NR2C1: variants seen among roughly 807,000 people sequenced by gnomAD.
NR2C1 encodes nuclear receptor subfamily 2 group C member 1.
Under a neutral mutation model 74.8 loss-of-function variants are expected in NR2C1, and 33 were observed. The ratio of observed to expected loss-of-function variants is 0.44; its 90% CI spans 0.33 to 0.59. The LOEUF (loss-of-function observed/expected upper bound fraction) is 0.59. Among genes scored for constraint, NR2C1 ranks in the 20% least tolerant of loss-of-function variants. NR2C1 has a pLI of 0.02. For missense variants in NR2C1, 568 were observed against 715.6 expected (o/e 0.79, Z 2.35); for synonymous variants, 225 against 240.6 (o/e 0.94, Z 0.60).
intron 13 of NR2C1, among the ~76,000 whole-genome samples, chr12:95,023,943 G>A (rs1051960904): frequency 6.6e-6 from 1 of 152,106 alleles, no homozygotes; most frequent in Non-Finnish European, 1.5e-5. Context: ...CTGTCCTAAC[G>A]CCTTGCACTC....
rs1872660043 is a variant in NR2C1 at position 95,049,136 on chromosome 12, C to T, written c.1063G>A (p.Gly355Arg). Residue 355 changes from glycine (G) to arginine (R), a missense_variant, in exon 9 of 14, where the codon GGA becomes AGA. Physicochemically the swap from Gly to Arg is moderately radical, Grantham distance 125 (BLOSUM62 -2). Transcript: ENST00000333003. ...GMEGSVHLIT[G>R]DSSINYTEKE... ...TCGGTGTAATTTATGCTTGAATCTC[C>T]AGTGATTAGGTGTACACTTCCTTCC... 1.2e-6 allele frequency: 2 copies of T among 1,614,002 alleles called. No individual in the cohort carries two copies. The highest frequency in any genetic ancestry group is 2.2e-5 in the East Asian group (1 of 44,884).
chr12:95,060,499 CAA>C (rs1874631585), intron 3 of NR2C1, among the ~76,000 whole-genome samples: 1 of 151,854 alleles, frequency 6.6e-6, no homozygotes, highest in African/African-American at 2.4e-5. Context: ...ACTAAAAATA[CAA>C]AAAATTAGCT....
intron 9 of NR2C1, 108 bp from the exon 10 acceptor site, chr12:95,040,705 T>A: frequency 9.8e-7 from 1 of 1,024,004 alleles, no homozygotes; most frequent in Admixed American, 2.8e-5. Context: ...GCTAATATAT[T>A]CACAAAAAAA....
chr12:95,073,466 G>C lies in NR2C1; in HGVS notation c.-94C>G, dbSNP rs558253789. Reference sequence around the variant, plus strand: ...CACTCGTGGATTGGGGGGCGCTCCGGGAAGAGAGGTTGAAGAAAGCCGACG... The same window carrying C: ...CACTCGTGGATTGGGGGGCGCTCCGCGAAGAGAGGTTGAAGAAAGCCGACG... On this transcript the variant is annotated 5_prime_UTR_variant, in exon 1 of 14. Coordinates refer to ENST00000333003, the MANE Select transcript of NR2C1 (RefSeq NM_003297.4). 2 of 152,334 alleles carry C rather than the reference G, an allele frequency of 1.3e-5. No homozygotes were observed. Among genetic ancestry groups the C allele is most frequent in the African/African-American group, 4.8e-5 (2 of 41,484 alleles). 9.4% of individuals were successfully genotyped at this position (152,334 alleles called of 1,614,324 possible).
intron 7 of NR2C1, among the ~76,000 whole-genome samples, chr12:95,052,363 C>T (rs1873139797): frequency 6.6e-6 from 1 of 152,188 alleles, no homozygotes; most frequent in African/African-American, 2.4e-5. Context: ...ACCATGTTGG[C>T]TAAGATGGTC....
At chr12:95,033,998 G>C (rs748173333) in intron 10 of NR2C1, among the ~76,000 whole-genome samples, 1 of 152,082 alleles carries the variant, frequency 6.6e-6, no homozygotes, top group Non-Finnish European at 1.5e-5. Context: ...CGTCCTGATA[G>C]GAAATATGTC....
chr12:95,044,871 G>A (rs918586096), intron 9 of NR2C1, among the ~76,000 whole-genome samples: 2 of 152,056 alleles, frequency 1.3e-5, no homozygotes, highest in African/African-American at 4.8e-5. Flanking sequence ...TATAGAGCCA[G>A]TCTGTCTCAA....
Position 95,057,625 on chromosome 12 carries a change from A to C in NR2C1, c.711T>G (p.Asp237Glu), listed in dbSNP as rs773913944. 16 of 1,614,040 alleles carry C rather than the reference A, an allele frequency of 9.9e-6. No homozygotes were observed. Among genetic ancestry groups the C allele is most frequent in the Admixed American group, 1.7e-5 (1 of 60,010 alleles). ...SESTRSTGLL[D>E]SGMFMNIHPS... Reference sequence around the variant, plus strand: ...GATGAATATTCATGAACATTCCTGAATCTAACAGTCCTGTTGACCTGTAAC... The same window carrying C: ...GATGAATATTCATGAACATTCCTGACTCTAACAGTCCTGTTGACCTGTAAC... The change falls in exon 7 of 14, where the codon GAT becomes GAG. Residue 237 changes from aspartate to glutamate, a missense_variant. Physicochemically the swap from Asp to Glu is conservative, Grantham distance 45 (BLOSUM62 2). Transcript: ENST00000333003.
intron 10 of NR2C1, among the ~76,000 whole-genome samples, chr12:95,032,735 A>G (rs1870301070): frequency 6.6e-6 from 1 of 152,162 alleles, no homozygotes; most frequent in Non-Finnish European, 1.5e-5. Flanking sequence ...CGGGAGGCTG[A>G]GGCAGACGCA....
At chr12:95,030,928 T>C in intron 11 of NR2C1, 1 of 1,336,386 alleles carries the variant, frequency 7.5e-7, no homozygotes, top group East Asian at 2.3e-5. Context: ...CAGAACTATT[T>C]AGGTGAGAGA....
chr12:95,040,101 T>C (rs1871325465), intron 10 of NR2C1, among the ~76,000 whole-genome samples: 1 of 152,048 alleles, frequency 6.6e-6, no homozygotes, highest in Non-Finnish European at 1.5e-5. Context: ...TTTAGTAACA[T>C]GCCTGGGATG....
chr12:95,032,183 T>C (rs1327493557), intron 10 of NR2C1, among the ~76,000 whole-genome samples: 1 of 152,210 alleles, frequency 6.6e-6, no homozygotes, highest in African/African-American at 2.4e-5. Flanking sequence ...AATTATTTTA[T>C]AGTAGGCAAG....
At chr12:95,028,597 CCT>C in intron 11 of NR2C1, 73 bp from the exon 12 acceptor site, 1 of 1,162,872 alleles carries the variant, frequency 8.6e-7, no homozygotes, top group Non-Finnish European at 1.2e-6. Flanking sequence ...AATATATTTC[CCT>C]CTCAGGAATT....
intron 2 of NR2C1, chr12:95,066,793 C>T (rs1483256543): frequency 6.5e-6 from 1 of 153,362 alleles, no homozygotes; most frequent in Non-Finnish European, 1.4e-5. Flanking sequence ...CCATTGTATA[C>T]CTGGGAGAGA....
At chr12:95,065,620 T>C (rs895829348) in intron 2 of NR2C1, among the ~76,000 whole-genome samples, 1 of 152,086 alleles carries the variant, frequency 6.6e-6, no homozygotes, top group African/African-American at 2.4e-5. Context: ...CTATAAACAA[T>C]CCAATTATAC....
intron 7 of NR2C1, 21 bp downstream of exon 7, chr12:95,057,532 T>G: frequency 6.5e-7 from 1 of 1,537,578 alleles, no homozygotes. Context: ...TTATCTAAGC[T>G]TTAAATTGTA....
At chr12:95,047,543 T>G (rs537598884) in intron 9 of NR2C1, among the ~76,000 whole-genome samples, 135 of 152,352 alleles carry the variant, frequency 8.9e-4, no homozygotes, top group Admixed American at 5.3e-3. Context: ...AATATTACTT[T>G]GCACTCATAA....
chr12:95,029,859 C>T (rs540703528), intron 11 of NR2C1, among the ~76,000 whole-genome samples: 2 of 152,022 alleles, frequency 1.3e-5, no homozygotes, highest in East Asian at 3.9e-4. Context: ...GCCCAACACC[C>T]CCCTCCCCAC....
At chr12:95,068,850 C>T (rs555025731) in intron 1 of NR2C1, among the ~76,000 whole-genome samples, 136 of 151,588 alleles carry the variant, frequency 9.0e-4, no homozygotes, top group African/African-American at 3.1e-3. Flanking sequence ...GTAATCCCAG[C>T]TACTCAGGAG....
Sources: gnomAD v4.1 joint callset for allele counts (sites outside exome capture counted in the v4.1 genomes callset) on GRCh38, gnomAD v4.1.1 for gene constraint, MANE v1.5 for transcripts, NCBI Gene and HGNC (gene_info 2026-07-23, HGNC 2026-07-21) for gene names.